The following PARD3B variants were observed in gnomAD, a reference collection of about 807,000 sequenced individuals.
PARD3B encodes par-3 family cell polarity regulator beta.
A neutral mutation model predicts 130.2 loss-of-function variants in PARD3B; 103 were observed. The observed-to-expected ratio is 0.79, with a 90% CI of 0.67 to 0.93. The LOEUF (loss-of-function observed/expected upper bound fraction) is 0.93, where lower values mean the gene tolerates loss of function less well. Among genes scored for constraint, PARD3B ranks in the 40% least tolerant of loss-of-function variants. The pLI is 0.00. For missense variants in PARD3B, 1,609 were observed against 1,499.2 expected, an observed-to-expected ratio of 1.07 and a Z score of -1.21; for synonymous variants, 583 against 553.2, an observed-to-expected ratio of 1.05 and a Z score of -0.76.
Position 205,584,493 on chromosome 2 carries a change from C to T in PARD3B, c.3261-30963C>T, listed in dbSNP as rs2106580472. Among the ~76,000 whole-genome samples the T allele has an allele frequency of 6.6e-6, 1 of 152,166 alleles. No homozygotes were observed. The highest frequency in any genetic ancestry group is 2.4e-5 in the African/African-American group (1 of 41,526). ...AGGAGTTCGAGACCAGGCTGGCCAACATAGCGAAACCCCATCCCTACTAAA... is the reference window on the plus strand; with the variant it reads ...AGGAGTTCGAGACCAGGCTGGCCAATATAGCGAAACCCCATCCCTACTAAA... On this transcript the variant is annotated intron_variant, in intron 22 of 22. Coordinates refer to ENST00000406610, the MANE Select transcript of PARD3B (RefSeq NM_001302769.2). The surrounding 1 kb of genome is among the most constrained non-coding windows in gnomAD (Gnocchi z 5.5).
intron 10 of PARD3B, among the ~76,000 whole-genome samples, chr2:205,132,619 C>G (rs938057397): frequency 6.6e-6 from 1 of 152,092 alleles, no homozygotes; most frequent in African/African-American, 2.4e-5. Context: ...CAGCATGCGC[C>G]CGAATCACAC....
At chr2:205,519,218 A>ATAAC (rs2106392054) in intron 21 of PARD3B, among the ~76,000 whole-genome samples, 1 of 152,304 alleles carries the variant, frequency 6.6e-6, no homozygotes, top group East Asian at 1.9e-4. Context: ...CCTTTCAGGG[A>ATAAC]TAACTGATTT....
intron 18 of PARD3B, among the ~76,000 whole-genome samples, chr2:205,322,646 G>A (rs2042790550): frequency 1.3e-5 from 2 of 152,080 alleles, no homozygotes; most frequent in Admixed American, 1.3e-4. Flanking sequence ...GATTCTGGGT[G>A]AAACAAACAA....
intron 2 of PARD3B, among the ~76,000 whole-genome samples, chr2:204,707,455 G>T (rs929072320): frequency 1.3e-5 from 2 of 152,048 alleles, no homozygotes; most frequent in African/African-American, 4.8e-5. Context: ...AGTTGACATA[G>T]TATTGAAACT....
At chr2:205,204,109 C>T (rs1214616917) in intron 15 of PARD3B, among the ~76,000 whole-genome samples, 2 of 152,184 alleles carry the variant, frequency 1.3e-5, no homozygotes, top group African/African-American at 4.8e-5. Flanking sequence ...TCTTCTCCAG[C>T]ATCTGTTGTT....
intron 1 of PARD3B, among the ~76,000 whole-genome samples, chr2:204,598,105 C>A (rs1439645798): frequency 6.6e-6 from 1 of 152,042 alleles, no homozygotes; most frequent in Non-Finnish European, 1.5e-5. Flanking sequence ...AGATTGTGAC[C>A]TTCTGCTTTT....
At chr2:205,546,039 CT>C (rs2052364830) in intron 21 of PARD3B, among the ~76,000 whole-genome samples, 2 of 152,168 alleles carry the variant, frequency 1.3e-5, no homozygotes, top group Non-Finnish European at 2.9e-5. Context: ...TTTAACAAGG[CT>C]CCTAACACCC....
At chr2:205,005,828 A>G (rs10932094) in intron 3 of PARD3B, among the ~76,000 whole-genome samples, 59,074 of 152,006 alleles carry the variant, frequency 0.39, 11,898 homozygotes, top group Admixed American at 0.48. Context: ...TTTTATTACA[A>G]TAATTTTGGG....
At position 204,996,160 on chromosome 2, in the gene PARD3B, C is replaced by A. The variant is rs530473369; in HGVS notation, c.394+30837C>A. On this transcript the variant is annotated intron_variant, in intron 3 of 22. Transcript: ENST00000406610. Reference sequence around the variant, plus strand: ...CCTTTGGAGGAGGAGAGGCGCTCTGCGTTTTAGAGTTTCCAGTTTTTCTGT... The same window carrying A: ...CCTTTGGAGGAGGAGAGGCGCTCTGAGTTTTAGAGTTTCCAGTTTTTCTGT... Among the ~76,000 whole-genome samples, 249 of 100,900 alleles carry A rather than the reference C, an allele frequency of 2.5e-3. 1 individual carries two copies. Among genetic ancestry groups the A allele is most frequent in the African/African-American group, 9.4e-3 (220 of 23,520 alleles). 66.2% of individuals were successfully genotyped at this position (100,900 alleles called of 152,430 possible). A position where few individuals can be genotyped will look rare whatever the true frequency, so the allele number is the denominator to read the frequency against.
At chr2:205,061,604 A>G (rs1700068991) in intron 4 of PARD3B, among the ~76,000 whole-genome samples, 2 of 152,106 alleles carry the variant, frequency 1.3e-5, no homozygotes, top group Non-Finnish European at 2.9e-5. Context: ...TAGAAGGTGT[A>G]GGATAAGATA....
intron 18 of PARD3B, among the ~76,000 whole-genome samples, chr2:205,368,224 A>G (rs913361181): frequency 3.9e-5 from 6 of 152,340 alleles, no homozygotes; most frequent in African/African-American, 1.4e-4. Context: ...ATATACCAAT[A>G]CTGGTGGGAA....
chr2:205,175,316 C>T (rs999694419), intron 12 of PARD3B, among the ~76,000 whole-genome samples: 1 of 152,180 alleles, frequency 6.6e-6, no homozygotes, highest in Non-Finnish European at 1.5e-5. Context: ...TAGCTTACCT[C>T]CTATACCAGG....
rs757166488 is a variant in PARD3B, at chr2:205,553,359, C to T, written c.3216C>T (p.Asn1072=). 1 of 1,613,940 alleles carries T rather than the reference C, an allele frequency of 6.2e-7. No homozygotes were observed. The highest frequency in any genetic ancestry group is 1.3e-5 in the African/African-American group (1 of 74,918). The change falls in exon 22 of 23, where the codon AAC becomes AAT. Residue 1072 remains asparagine (N), a synonymous_variant. Transcript: ENST00000406610. The part of the protein sequence containing the change: ...PGRGPDGNAH[N]LRFEGMERQY... Reference sequence around the variant, plus strand: ...GGGGTCCAGATGGGAATGCACACAACCTCCGCTTTGAAGGGATGGAGAGGC... The same window carrying T: ...GGGGTCCAGATGGGAATGCACACAATCTCCGCTTTGAAGGGATGGAGAGGC...
intron 18 of PARD3B, among the ~76,000 whole-genome samples, chr2:205,346,618 T>C (rs1384764698): frequency 6.6e-6 from 1 of 152,230 alleles, no homozygotes; most frequent in Non-Finnish European, 1.5e-5. Context: ...AGCTCTGTTA[T>C]GAGCACAAAG....
intron 22 of PARD3B, among the ~76,000 whole-genome samples, chr2:205,573,056 C>A (rs528598285): frequency 2.0e-5 from 3 of 152,238 alleles, no homozygotes; most frequent in Admixed American, 2.0e-4. Flanking sequence ...AGAAAAGCCC[C>A]TTATAAAACC....
At chr2:205,401,969 A>G (rs1483681060) in intron 19 of PARD3B, among the ~76,000 whole-genome samples, 1 of 152,186 alleles carries the variant, frequency 6.6e-6, no homozygotes, top group East Asian at 1.9e-4. Context: ...ATTAGTTCTT[A>G]TAGTTTCTAA....
chr2:204,765,128 C>T (rs1054641563), intron 2 of PARD3B, among the ~76,000 whole-genome samples: 8 of 152,110 alleles, frequency 5.3e-5, no homozygotes, highest in Non-Finnish European at 1.0e-4. Flanking sequence ...ATTTAGCTGG[C>T]TTGACTGCAG....
chr2:205,098,597 A>G (rs1702549213), intron 4 of PARD3B, among the ~76,000 whole-genome samples: 1 of 152,210 alleles, frequency 6.6e-6, no homozygotes, highest in Non-Finnish European at 1.5e-5. Context: ...TTGGACATGT[A>G]TAACCTAGTG....
At chr2:204,624,751 G>A (rs1177253150) in intron 1 of PARD3B, among the ~76,000 whole-genome samples, 1 of 152,134 alleles carries the variant, frequency 6.6e-6, no homozygotes, top group Non-Finnish European at 1.5e-5. Flanking sequence ...TAAAGGCCCA[G>A]GGATGTGATC....
Sources: gnomAD v4.1 joint callset for allele counts (sites outside exome capture counted in the v4.1 genomes callset) on GRCh38, gnomAD v4.1.1 for gene constraint, Gnocchi (gnomAD v3.1) non-coding constraint, MANE v1.5 for transcripts, NCBI Gene and HGNC (gene_info 2026-07-23, HGNC 2026-07-21) for gene names.